The following CYP2C19 variants were observed in gnomAD, a reference collection of about 807,000 sequenced individuals.
The protein encoded by CYP2C19 is cytochrome P450 2C19.
CYP2C19 carries 59 observed loss-of-function variants against 40.9 expected under a neutral mutation model. The observed-to-expected ratio is 1.44, with a 90% CI of 1.17 to 1.79. CYP2C19 has a LOEUF of 1.79. Ranked by LOEUF, CYP2C19 falls within the 40% of genes most tolerant of loss-of-function variation. CYP2C19 has a pLI of 0.00. For missense variants in CYP2C19, 754 were observed against 596.9 expected (o/e 1.26, Z -2.74); for synonymous variants, 253 against 208.7 (o/e 1.21, Z -1.83).
chr10:94,780,025 A>T (rs891742793), intron 3 of CYP2C19, among the ~76,000 whole-genome samples: 1 of 152,170 alleles, frequency 6.6e-6, no homozygotes, highest in Non-Finnish European at 1.5e-5. Flanking sequence ...TCTCAAATAC[A>T]TGAATTCACC....
At chr10:94,805,993 G>C (rs1157173923) in intron 5 of CYP2C19, among the ~76,000 whole-genome samples, 1 of 152,170 alleles carries the variant, frequency 6.6e-6, no homozygotes, top group African/African-American at 2.4e-5. Context: ...GTCCAGAGAC[G>C]TGGATGATGT....
intron 8 of CYP2C19, among the ~76,000 whole-genome samples, chr10:94,852,000 C>T (rs1849660559): frequency 6.6e-6 from 1 of 152,144 alleles, no homozygotes; most frequent in Non-Finnish European, 1.5e-5. Flanking sequence ...TGACCTATGT[C>T]CTGACTGTGG....
intron 6 of CYP2C19, among the ~76,000 whole-genome samples, chr10:94,826,634 A>G (rs1727217239): frequency 6.6e-6 from 1 of 152,096 alleles, no homozygotes; most frequent in South Asian, 2.1e-4. Flanking sequence ...TCTTTTCCTA[A>G]TTGAATCCCC....
intron 3 of CYP2C19, among the ~76,000 whole-genome samples, chr10:94,780,039 A>G (rs116003823): frequency 1.3e-3 from 194 of 151,278 alleles, no homozygotes; most frequent in African/African-American, 4.6e-3. Context: ...ATTCACCCCT[A>G]GTCTCTCTAG....
chr10:94,853,507 A>G lies in CYP2C19; in HGVS notation c.*593A>G, dbSNP rs569293767. ...TAGGGAAATATTCAGAGGATCAGGT[A>G]TTGGGAGGAATGGATATTAAATGTT... is the stretch of plus-strand genomic sequence containing the variant. On this transcript the variant is annotated 3_prime_UTR_variant, in exon 9 of 9. Transcript: ENST00000371321. Among the ~76,000 whole-genome samples, 4 of 149,414 alleles carry G rather than the reference A, an allele frequency of 2.7e-5. No homozygotes were observed. The highest frequency in any genetic ancestry group is 7.4e-5 in the African/African-American group (3 of 40,748).
At chr10:94,833,014 A>G (rs1009166387) in intron 6 of CYP2C19, among the ~76,000 whole-genome samples, 1 of 152,138 alleles carries the variant, frequency 6.6e-6, no homozygotes, top group Admixed American at 6.5e-5. Flanking sequence ...TTTATTTTAT[A>G]TATGGCTATT....
In CYP2C19 at chr10:94,853,184, A is replaced by G. The variant is rs898381879; in HGVS notation, c.*270A>G. 2 of 440,550 alleles carry G rather than the reference A, an allele frequency of 4.5e-6. No individual in the cohort carries two copies. The highest frequency in any genetic ancestry group is 8.0e-6 in the Non-Finnish European group (2 of 250,822). The allele number at this position is 440,550 out of a possible 1,614,324, so 27.3% of individuals were successfully genotyped here. A position where few individuals can be genotyped will look rare whatever the true frequency, so the allele number is the denominator to read the frequency against. On this transcript the variant is annotated 3_prime_UTR_variant, in exon 9 of 9. Transcript: ENST00000371321. ...ATTAACATATTATTATTAAATAGAG[A>G]AAGATGATTTGTGTATTATAATTCA...
At chr10:94,765,883 T>A (rs926955833) in intron 1 of CYP2C19, among the ~76,000 whole-genome samples, 7 of 152,088 alleles carry the variant, frequency 4.6e-5, no homozygotes, top group African/African-American at 1.7e-4. Context: ...GGGGCAGGCC[T>A]GATAACAGGT....
At chr10:94,798,909 A>T (rs905985322) in intron 5 of CYP2C19, among the ~76,000 whole-genome samples, 1 of 141,826 alleles carries the variant, frequency 7.1e-6, no homozygotes, top group Non-Finnish European at 1.5e-5. Context: ...TGCATGTGAG[A>T]TGCATCTCCT....
rs140646100 is a variant in CYP2C19, at chr10:94,803,570, C to A, written c.820-16926C>A. Among the ~76,000 whole-genome samples, 529 of 152,252 alleles carry A rather than the reference C, an allele frequency of 3.5e-3. 2 individuals carry two copies. The highest frequency in any genetic ancestry group is 0.012 in the African/African-American group (479 of 41,552). ...TCAAGATGGGTGGCACTGGACTGGG[C>A]AGTCTTATCTAGTTTCCCTAATGAC... On this transcript the variant is annotated intron_variant, in intron 5 of 8. Transcript: ENST00000371321.
At chr10:94,841,916 G>A (rs1438739946) in intron 6 of CYP2C19, among the ~76,000 whole-genome samples, 1 of 152,090 alleles carries the variant, frequency 6.6e-6, no homozygotes, top group Non-Finnish European at 1.5e-5. Flanking sequence ...CCTAATATCT[G>A]GTCAATTCTT....
chr10:94,848,946 GA>G (rs769517314), intron 7 of CYP2C19, among the ~76,000 whole-genome samples: 22 of 152,134 alleles, frequency 1.4e-4, no homozygotes, highest in Non-Finnish European at 3.1e-4. Flanking sequence ...AGACTTTGCT[GA>G]AGTTGTTTAT....
chr10:94,824,827 C>T (rs1470715383), intron 6 of CYP2C19, among the ~76,000 whole-genome samples: 1 of 122,116 alleles, frequency 8.2e-6, no homozygotes, highest in Non-Finnish European at 1.6e-5. Context: ...CCACATCAGT[C>T]CCCAGAGTGT....
chr10:94,829,299 A>T (rs567958593), intron 6 of CYP2C19, among the ~76,000 whole-genome samples: 4 of 152,284 alleles, frequency 2.6e-5, no homozygotes, highest in Admixed American at 6.5e-5. Flanking sequence ...TTTCAGGTAC[A>T]CCAATCCGAA....
At chr10:94,825,870 A>C (rs1272191874) in intron 6 of CYP2C19, among the ~76,000 whole-genome samples, 1 of 151,102 alleles carries the variant, frequency 6.6e-6, no homozygotes, top group Non-Finnish European at 1.5e-5. Flanking sequence ...TCAGCTTTCT[A>C]CATATGGCTA....
intron 5 of CYP2C19, among the ~76,000 whole-genome samples, chr10:94,806,092 CT>C (rs1285455110): frequency 6.7e-6 from 1 of 149,504 alleles, no homozygotes; most frequent in Non-Finnish European, 1.5e-5. Flanking sequence ...CAACATTCTA[CT>C]TTATGTCTCT....
chr10:94,787,301 G>A (rs1848554939), intron 5 of CYP2C19, among the ~76,000 whole-genome samples: 2 of 151,764 alleles, frequency 1.3e-5, no homozygotes, highest in South Asian at 2.1e-4. Flanking sequence ...TGTCTTCTTT[G>A]GAAGGACATA....
intron 6 of CYP2C19, among the ~76,000 whole-genome samples, chr10:94,826,284 C>G (rs1272457894): frequency 6.6e-6 from 1 of 152,050 alleles, no homozygotes; most frequent in African/African-American, 2.4e-5. Context: ...TTCTTCCGAC[C>G]CATGAGCATG....
chr10:94,783,584 C>T (rs1848505087), intron 5 of CYP2C19, among the ~76,000 whole-genome samples: 1 of 152,058 alleles, frequency 6.6e-6, no homozygotes, highest in South Asian at 2.1e-4. Context: ...CTTGTCAAAA[C>T]CCAATTGACT....
Sources: allele counts gnomAD v4.1 joint callset (sites outside exome capture counted in the v4.1 genomes callset), GRCh38; gene constraint gnomAD v4.1.1; transcripts MANE v1.5; gene names NCBI Gene and HGNC (gene_info 2026-07-23, HGNC 2026-07-21).